MACROD2: variants seen among roughly 807,000 people sequenced by gnomAD.
MACROD2 encodes mono-ADP ribosylhydrolase 2.
In MACROD2, 36 loss-of-function variants were observed where a neutral mutation model predicts 70.4. That is an observed-to-expected ratio of 0.51 (90% CI 0.39 to 0.68). The LOEUF (loss-of-function observed/expected upper bound fraction) is 0.68. Among genes scored for constraint, MACROD2 ranks in the 30% least tolerant of loss-of-function variants. The pLI, the probability that MACROD2 is intolerant of heterozygous loss-of-function variation, is 0.00. For missense variants in MACROD2, 496 were observed against 538.4 expected (o/e 0.92, Z 0.78); for synonymous variants, 172 against 178.8 (o/e 0.96, Z 0.30).
chr20:14,824,541 A>C (rs896365543), intron 5 of MACROD2, among the ~76,000 whole-genome samples: 2 of 152,060 alleles, frequency 1.3e-5, no homozygotes, highest in African/African-American at 4.8e-5. Context: ...ACAGCTATGA[A>C]GTCAGTGCTG....
At chr20:15,649,132 C>T (rs1600712201) in intron 8 of MACROD2, among the ~76,000 whole-genome samples, 1 of 126,732 alleles carries the variant, frequency 7.9e-6, no homozygotes, top group Non-Finnish European at 1.6e-5. Flanking sequence ...CCTCCCTTCC[C>T]TTCCCTTCCT....
chr20:14,588,057 T>A (rs1207945491), intron 4 of MACROD2, among the ~76,000 whole-genome samples: 1 of 152,142 alleles, frequency 6.6e-6, no homozygotes, highest in Non-Finnish European at 1.5e-5. Flanking sequence ...TTTAACTTTA[T>A]AAAAGGAATT....
At chr20:14,393,927 A>G (rs6110271) in intron 3 of MACROD2, among the ~76,000 whole-genome samples, 19,783 of 152,164 alleles carry the variant, frequency 0.13, 1,588 homozygotes, top group East Asian at 0.27. Flanking sequence ...CTTCTCTACC[A>G]TATGAGGACA....
intron 3 of MACROD2, among the ~76,000 whole-genome samples, chr20:14,108,407 A>G (rs2054400254): frequency 1.3e-5 from 2 of 151,912 alleles, no homozygotes; most frequent in African/African-American, 4.8e-5. Context: ...ATCCTTACCT[A>G]TCAATAATAA....
At chr20:15,954,789 TATC>T (rs1159648896) in intron 12 of MACROD2, among the ~76,000 whole-genome samples, 1 of 152,210 alleles carries the variant, frequency 6.6e-6, no homozygotes, top group Non-Finnish European at 1.5e-5. Flanking sequence ...GCAACAATAA[TATC>T]AGCAGCTAAT....
At position 14,954,492 on chromosome 20, in the gene MACROD2, TTATA is replaced by T. The variant is rs945988049; in HGVS notation, c.418+269538_418+269541del. Reference sequence around the variant, plus strand: ...TTATATATATATTTAAATATATAAATTATATATAATTATTATTATATAATTAATA... The same window carrying T: ...TTATATATATATTTAAATATATAAATTATAATTATTATTATATAATTAATA... On this transcript the variant is annotated intron_variant, in intron 5 of 17. Transcript: ENST00000684519. 1.5e-4 allele frequency among the ~76,000 whole-genome samples: 21 copies of T among 141,262 alleles called. No homozygotes were observed. In the East Asian group the frequency reaches 3.6e-3, roughly 24 times the overall value. The allele number at this position is 141,262 out of a possible 152,430, so 92.7% of individuals were successfully genotyped here. A position where few individuals can be genotyped will look rare whatever the true frequency, so the allele number is the denominator to read the frequency against.
chr20:15,509,056 T>C (rs2047465163), intron 8 of MACROD2, among the ~76,000 whole-genome samples: 1 of 152,216 alleles, frequency 6.6e-6, no homozygotes, highest in Admixed American at 6.5e-5. Flanking sequence ...AAGTGTATGC[T>C]TTAAATAGTT....
chr20:15,925,738 G>A lies in MACROD2; in HGVS notation c.776-7538G>A, dbSNP rs1424812383. Among the ~76,000 whole-genome samples, 9 of 152,142 alleles carry A rather than the reference G, an allele frequency of 5.9e-5. No individual in the cohort carries two copies. The East Asian group carries it at 1.2e-3, about 20-fold the overall frequency. On this transcript the variant is annotated intron_variant, in intron 10 of 17. Transcript: ENST00000684519. The stretch of plus-strand genomic sequence containing the variant: ...TCATGCATTTCGTCTCTTTGAACAC[G>A]TGTTATTAAACTGAAGTCCCCGTTA...
chr20:14,953,299 ATTTTTTATTTATTTAT>A (rs2122736721), intron 5 of MACROD2, among the ~76,000 whole-genome samples: 2 of 152,030 alleles, frequency 1.3e-5, no homozygotes, highest in South Asian at 4.2e-4. Context: ...TGTGTTTTTA[ATTTTTTATTTATTTAT>A]TTATGTTTGA....
rs573720852 is a variant in MACROD2, at chr20:14,405,874, C to T, written c.272-87605C>T. Among the ~76,000 whole-genome samples the T allele has an allele frequency of 3.3e-5, 5 of 152,154 alleles. No homozygotes were observed. The South Asian group carries it at 1.0e-3, about 32-fold the overall frequency. The stretch of plus-strand genomic sequence containing the variant: ...GAATCTATTACATATAGGTAGTTTA[C>T]AGCACTATGGTTTCAATTCATTGAC... On this transcript the variant is annotated intron_variant, in intron 3 of 17. Transcript: ENST00000684519.
chr20:15,370,098 A>G (rs557044245), intron 6 of MACROD2, among the ~76,000 whole-genome samples: 16 of 152,250 alleles, frequency 1.1e-4, no homozygotes, highest in African/African-American at 3.8e-4. Flanking sequence ...GACTGTGGCT[A>G]AATAAGTTTA....
chr20:15,501,764 G>T (rs1049607492), intron 8 of MACROD2, among the ~76,000 whole-genome samples: 1 of 152,146 alleles, frequency 6.6e-6, no homozygotes, highest in South Asian at 2.1e-4. Context: ...GAACATATCA[G>T]GTTTTTCTAA....
intron 3 of MACROD2, among the ~76,000 whole-genome samples, chr20:14,242,169 T>C (rs1219515995): frequency 6.6e-6 from 1 of 152,194 alleles, no homozygotes; most frequent in Non-Finnish European, 1.5e-5. Context: ...AAAAATTAAA[T>C]TAGACAATTT....
chr20:15,180,033 G>A (rs78143647), intron 5 of MACROD2, among the ~76,000 whole-genome samples: 4,574 of 152,228 alleles, frequency 0.03, 229 homozygotes, highest in African/African-American at 0.11. Context: ...TCCTCCCTTT[G>A]TGCACCTGTG....
chr20:15,109,903 C>A (rs1046367365), intron 5 of MACROD2, among the ~76,000 whole-genome samples: 2 of 151,450 alleles, frequency 1.3e-5, no homozygotes, highest in Non-Finnish European at 1.5e-5. Context: ...TCTCTGGGAG[C>A]CGTTTTGTAT....
chr20:15,466,875 A>AT (rs1222988220), intron 7 of MACROD2, among the ~76,000 whole-genome samples: 1 of 152,124 alleles, frequency 6.6e-6, no homozygotes, highest in Non-Finnish European at 1.5e-5. Context: ...AAAAATTGAA[A>AT]TTTTTTGTTT....
intron 9 of MACROD2, among the ~76,000 whole-genome samples, chr20:15,871,576 A>G (rs1221292880): frequency 1.3e-5 from 2 of 152,212 alleles, no homozygotes; most frequent in African/African-American, 4.8e-5. Flanking sequence ...ACATTGATAC[A>G]GTCATAGCAC....
chr20:14,809,419 G>T (rs993684981), intron 5 of MACROD2, among the ~76,000 whole-genome samples: 13 of 151,934 alleles, frequency 8.6e-5, no homozygotes, highest in African/African-American at 3.1e-4. Context: ...AGAATCTCTG[G>T]GACACAGCTA....
At chr20:15,324,316 T>C (rs989408778) in intron 6 of MACROD2, among the ~76,000 whole-genome samples, 3 of 152,136 alleles carry the variant, frequency 2.0e-5, no homozygotes, top group Non-Finnish European at 2.9e-5. Flanking sequence ...TTCAGCTCAG[T>C]CTTTGATTGT....
Sources: allele counts gnomAD v4.1 joint callset (sites outside exome capture counted in the v4.1 genomes callset), GRCh38; gene constraint gnomAD v4.1.1; transcripts MANE v1.5; gene names NCBI Gene and HGNC (gene_info 2026-07-23, HGNC 2026-07-21).